Variants in GFOD1 observed in about 807,000 individuals in gnomAD.
GFOD1 encodes glucose-fructose oxidoreductase domain-containing protein 1.
GFOD1 carries 9 observed loss-of-function variants against 25.4 expected under a neutral mutation model. The ratio of observed to expected loss-of-function variants is 0.35; its 90% confidence interval spans 0.21 to 0.62. The LOEUF (loss-of-function observed/expected upper bound fraction) is 0.62. GFOD1 is among the 20% of genes least tolerant of loss of function. GFOD1 has a pLI of 0.72. For synonymous variants in GFOD1, 253 were observed against 245.6 expected (o/e 1.03, Z -0.28); for missense variants, 403 against 556.9 (o/e 0.72, Z 2.78).
intron 1 of GFOD1, among the ~76,000 whole-genome samples, chr6:13,471,339 C>T (rs13436985): frequency 9.2e-5 from 14 of 152,156 alleles, no homozygotes; most frequent in African/African-American, 2.7e-4. Flanking sequence ...CTTACCTCCC[C>T]GAGAGGATGG....
intron 1 of GFOD1, among the ~76,000 whole-genome samples, chr6:13,411,545 G>A (rs1040279073): frequency 6.6e-6 from 1 of 152,158 alleles, no homozygotes; most frequent in Non-Finnish European, 1.5e-5. Context: ...ACCTGCCTCA[G>A]CCTCCCAAAA....
chr6:13,473,733 C>A (rs1758556542), intron 1 of GFOD1, among the ~76,000 whole-genome samples: 2 of 152,096 alleles, frequency 1.3e-5, no homozygotes, highest in South Asian at 2.1e-4. Flanking sequence ...TATTTAAATC[C>A]TACCCCCTCT....
intron 1 of GFOD1, among the ~76,000 whole-genome samples, chr6:13,375,971 G>A (rs551990841): frequency 4.6e-5 from 7 of 152,280 alleles, no homozygotes; most frequent in Admixed American, 1.3e-4. Flanking sequence ...ATGATATTGG[G>A]GAGTCACTAG....
At chr6:13,428,250 T>C (rs1562216159) in intron 1 of GFOD1, among the ~76,000 whole-genome samples, 1 of 152,216 alleles carries the variant, frequency 6.6e-6, no homozygotes, top group Non-Finnish European at 1.5e-5. Context: ...GGCCAGTTCC[T>C]TTACGTGCCT....
chr6:13,459,037 A>G (rs933426111), intron 1 of GFOD1, among the ~76,000 whole-genome samples: 2 of 152,148 alleles, frequency 1.3e-5, no homozygotes, highest in African/African-American at 4.8e-5. Flanking sequence ...TTAATCCCCA[A>G]TGCAAAAGTG....
At chr6:13,409,153 G>GAAAGAAA (rs368758101) in intron 1 of GFOD1, among the ~76,000 whole-genome samples, 642 of 44,492 alleles carry the variant, frequency 0.014, 111 homozygotes, top group African/African-American at 0.037. Flanking sequence ...AAGAAAGAGA[G>GAAAGAAA]GAAAGAAAGA....
At chr6:13,452,451 G>A (rs1758113779) in intron 1 of GFOD1, among the ~76,000 whole-genome samples, 1 of 152,168 alleles carries the variant, frequency 6.6e-6, no homozygotes, top group Non-Finnish European at 1.5e-5. Flanking sequence ...ATGAACAACA[G>A]GCAGTTGTAG....
Position 13,430,464 on chromosome 6 carries a change from A to C in GFOD1, c.253+56174T>G, listed in dbSNP as rs1272573882. On this transcript the variant is annotated intron_variant, in intron 1 of 1. Coordinates refer to ENST00000379287, the MANE Select transcript of GFOD1 (RefSeq NM_018988.4). The surrounding 1 kb of genome is among the most constrained non-coding windows in gnomAD (Gnocchi z 4.1). ...AATAAATAAATAAGTAAATAAATAA[A>C]AATTAAAAAATAAAATCCAGCCATT... 6.6e-6 allele frequency among the ~76,000 whole-genome samples: 1 copy of C among 152,108 alleles called. No homozygotes were observed. The highest frequency in any genetic ancestry group is 1.9e-4 in the East Asian group (1 of 5,196).
intron 1 of GFOD1, among the ~76,000 whole-genome samples, chr6:13,454,793 G>A (rs1307909609): frequency 6.6e-6 from 1 of 152,194 alleles, no homozygotes; most frequent in African/African-American, 2.4e-5. Context: ...GGGGACCACT[G>A]TCAATGCTTC....
Position 13,391,513 on chromosome 6 carries a change from A to AAC in GFOD1, c.254-25852_254-25851insGT, listed in dbSNP as rs1266173203. On this transcript the variant is annotated intron_variant, in intron 1 of 1. Transcript: ENST00000379287. ...ACTCCATCTCAAAAACAAACAAACAAAAAAAAAAAAAAAAAAAGAAAGAGA... is the reference window on the plus strand; with the variant it reads ...ACTCCATCTCAAAAACAAACAAACAAACAAAAAAAAAAAAAAAAAGAAAGAGA... 9.7e-4 allele frequency among the ~76,000 whole-genome samples: 70 copies of AAC among 72,278 alleles called. No individual in the cohort carries two copies. The East Asian group carries it at 0.012, about 12-fold the overall frequency. 47.4% of individuals were successfully genotyped at this position (72,278 alleles called of 152,430 possible). A position where few individuals can be genotyped will look rare whatever the true frequency, so the allele number is the denominator to read the frequency against.
intron 1 of GFOD1, among the ~76,000 whole-genome samples, chr6:13,450,945 G>C (rs909571861): frequency 6.6e-6 from 1 of 152,196 alleles, no homozygotes; most frequent in Non-Finnish European, 1.5e-5. Context: ...TCAAGACTCC[G>C]GTGAGGTATG....
intron 1 of GFOD1, among the ~76,000 whole-genome samples, chr6:13,386,354 G>A (rs1785475836): frequency 6.6e-6 from 1 of 152,112 alleles, no homozygotes; most frequent in Non-Finnish European, 1.5e-5. Flanking sequence ...ATACACCTGT[G>A]CACTAGATAC....
intron 1 of GFOD1, among the ~76,000 whole-genome samples, chr6:13,403,109 G>GT (rs145172680): frequency 0.043 from 5,674 of 131,694 alleles, 129 homozygotes; most frequent in Middle Eastern, 0.063. Flanking sequence ...TGTGTGTGTG[G>GT]TTTTTTTTTT....
intron 1 of GFOD1, among the ~76,000 whole-genome samples, chr6:13,410,081 G>C (rs1456196369): frequency 1.4e-5 from 2 of 146,628 alleles, no homozygotes; most frequent in Non-Finnish European, 3.0e-5. Flanking sequence ...CAGAAAAGCA[G>C]GTAACATAGG....
At chr6:13,454,375 AT>A (rs1758151747) in intron 1 of GFOD1, among the ~76,000 whole-genome samples, 1 of 152,248 alleles carries the variant, frequency 6.6e-6, no homozygotes, top group African/African-American at 2.4e-5. Flanking sequence ...GCTAAAAGAC[AT>A]TAGCTAGAAT....
At chr6:13,436,492 T>A (rs1562218640) in intron 1 of GFOD1, among the ~76,000 whole-genome samples, 1 of 152,256 alleles carries the variant, frequency 6.6e-6, no homozygotes, top group Non-Finnish European at 1.5e-5. Flanking sequence ...ATCTTAGAGA[T>A]CTTTCCATAT....
At chr6:13,435,248 G>C (rs1436698647) in intron 1 of GFOD1, among the ~76,000 whole-genome samples, 1 of 152,086 alleles carries the variant, frequency 6.6e-6, no homozygotes, top group Non-Finnish European at 1.5e-5. Flanking sequence ...GTAAAATATT[G>C]GTTGTGGTAG....
At chr6:13,441,730 C>G (rs1238685178) in intron 1 of GFOD1, among the ~76,000 whole-genome samples, 1 of 152,168 alleles carries the variant, frequency 6.6e-6, no homozygotes, top group East Asian at 1.9e-4. Context: ...TTTCTGGTCA[C>G]AAAAATATCA....
chr6:13,459,664 AC>A, intron 1 of GFOD1, among the ~76,000 whole-genome samples: 1 of 152,368 alleles, frequency 6.6e-6, no homozygotes, highest in Middle Eastern at 3.4e-3. Context: ...TAAGAAAAAA[AC>A]AACCCCATCA....
Sources: gnomAD v4.1 joint callset for allele counts (sites outside exome capture counted in the v4.1 genomes callset) on GRCh38, gnomAD v4.1.1 for gene constraint, Gnocchi (gnomAD v3.1) non-coding constraint, MANE v1.5 for transcripts, NCBI Gene and HGNC (gene_info 2026-07-23, HGNC 2026-07-21) for gene names.